Variants in PDE1C observed in about 807,000 individuals in gnomAD.
PDE1C encodes the protein phosphodiesterase 1C.
A neutral mutation model predicts 93.1 loss-of-function variants in PDE1C; 62 were observed. The observed-to-expected ratio is 0.67, with a 90% CI of 0.54 to 0.82. The LOEUF is 0.82. PDE1C is among the 40% of genes least tolerant of loss of function. PDE1C has a pLI of 0.00. For missense variants in PDE1C, 742 were observed against 884.6 expected (o/e 0.84, Z 2.04); for synonymous variants, 325 against 310.1 (o/e 1.05, Z -0.50).
intron 7 of PDE1C, among the ~76,000 whole-genome samples, chr7:31,858,266 G>GC (rs1794263366): frequency 6.6e-6 from 1 of 152,074 alleles, no homozygotes; most frequent in South Asian, 2.1e-4. Context: ...AGTCATTTTG[G>GC]CCAGTGAGTT....
intron 11 of PDE1C, among the ~76,000 whole-genome samples, chr7:31,830,552 A>G (rs1790251859): frequency 6.6e-6 from 1 of 152,218 alleles, no homozygotes; most frequent in Admixed American, 6.5e-5. Context: ...GGTTAGAAAC[A>G]CTCAAGTTCC....
chr7:31,888,851 G>C (rs1170969809), intron 2 of PDE1C, among the ~76,000 whole-genome samples: 1 of 151,984 alleles, frequency 6.6e-6, no homozygotes, highest in Non-Finnish European at 1.5e-5. Flanking sequence ...TAATTAAGAG[G>C]TGAATTTAGC....
upstream of PDE1C, among the ~76,000 whole-genome samples, chr7:32,074,207 G>T (rs533447907): frequency 6.6e-6 from 1 of 151,582 alleles, no homozygotes; most frequent in African/African-American, 2.4e-5. Context: ...GGGGAAGCTA[G>T]ATGTTAATCT....
chr7:32,324,147 T>C (rs1258328188), intron 1 of PDE1C, among the ~76,000 whole-genome samples: 3 of 152,220 alleles, frequency 2.0e-5, no homozygotes, highest in African/African-American at 4.8e-5. Flanking sequence ...ATAAACAAAG[T>C]TTTAGCAGAA....
chr7:32,101,755 A>C (rs757442073), intron 3 of PDE1C, among the ~76,000 whole-genome samples: 110 of 152,212 alleles, frequency 7.2e-4, no homozygotes, highest in Non-Finnish European at 1.1e-3. Context: ...GTATTCCTTT[A>C]TAGTGACACA....
At chr7:32,347,663 G>A (rs779270358) in intron 1 of PDE1C, among the ~76,000 whole-genome samples, 46 of 152,192 alleles carry the variant, frequency 3.0e-4, no homozygotes, top group Non-Finnish European at 6.6e-4. Context: ...CTATGTCAAG[G>A]AAGCTCACCT....
At chr7:32,123,603 A>G (rs1205193986) in intron 3 of PDE1C, among the ~76,000 whole-genome samples, 5 of 152,232 alleles carry the variant, frequency 3.3e-5, no homozygotes, top group Non-Finnish European at 7.3e-5. Context: ...AAAGAAAAAA[A>G]TCACATGATT....
chr7:32,393,042 C>A, intron 1 of PDE1C, among the ~76,000 whole-genome samples: 1 of 79,624 alleles, frequency 1.3e-5, no homozygotes. Context: ...GAGCGAGACT[C>A]TGTCTCAAAA....
the PDE1C span, among the ~76,000 whole-genome samples, chr7:31,634,562 C>T: frequency 2.0e-5 from 3 of 152,118 alleles, no homozygotes; most frequent in African/African-American, 4.8e-5. Context: ...TCCAGTAGAG[C>T]AGGCTTCAAA....
chr7:31,914,782 T>C (rs1021091231), intron 2 of PDE1C, among the ~76,000 whole-genome samples: 3 of 152,220 alleles, frequency 2.0e-5, no homozygotes, highest in Admixed American at 6.5e-5. Flanking sequence ...CCATTTATAA[T>C]AGCAAAAATT....
intron 1 of PDE1C, among the ~76,000 whole-genome samples, chr7:32,281,694 G>A (rs1424395430): frequency 6.6e-6 from 1 of 152,222 alleles, no homozygotes; most frequent in Non-Finnish European, 1.5e-5. Flanking sequence ...AGTAGAGCAT[G>A]AGTCTCTTTA....
chr7:32,287,549 G>A (rs1245068468), intron 1 of PDE1C, among the ~76,000 whole-genome samples: 4 of 152,246 alleles, frequency 2.6e-5, no homozygotes, highest in Non-Finnish European at 4.4e-5. Context: ...ATCAGGGCTG[G>A]CTTGTTTGCT....
intron 2 of PDE1C, among the ~76,000 whole-genome samples, chr7:32,189,569 T>C (rs182784857): frequency 9.6e-4 from 146 of 152,260 alleles, no homozygotes; most frequent in African/African-American, 3.1e-3. Flanking sequence ...CCAGGGCTGA[T>C]TTTTAACCTC....
intron 15 of PDE1C, among the ~76,000 whole-genome samples, chr7:31,813,216 G>A (rs138186174): frequency 1.6e-3 from 246 of 152,168 alleles, no homozygotes; most frequent in Admixed American, 3.1e-3. Flanking sequence ...TTCCTCTTTT[G>A]AGAGGAGTGA....
At chr7:32,149,659 G>A (rs546020181) in intron 3 of PDE1C, among the ~76,000 whole-genome samples, 27 of 152,002 alleles carry the variant, frequency 1.8e-4, no homozygotes, top group African/African-American at 6.0e-4. Flanking sequence ...AATGTTGGGC[G>A]GGTTATAATG....
chr7:32,118,755 C>T (rs1047486022), intron 3 of PDE1C, among the ~76,000 whole-genome samples: 5 of 152,220 alleles, frequency 3.3e-5, no homozygotes, highest in African/African-American at 1.2e-4. Flanking sequence ...GCAGAGTCTT[C>T]ATGACTTAAT....
chr7:32,106,642 AAAC>A (rs1563317414), intron 3 of PDE1C, among the ~76,000 whole-genome samples: 1 of 152,194 alleles, frequency 6.6e-6, no homozygotes, highest in Non-Finnish European at 1.5e-5. Flanking sequence ...GAAAACTCAA[AAAC>A]AACCAGAGAG....
intron 1 of PDE1C, 51 bp from the exon 2 acceptor site, chr7:32,051,631 G>A (rs750514958): frequency 1.3e-6 from 2 of 1,497,050 alleles, no homozygotes; most frequent in Non-Finnish European, 1.9e-6. Context: ...GGCAGGCAGT[G>A]GGTAAGAAAG....
the PDE1C span, among the ~76,000 whole-genome samples, chr7:31,702,526 A>G: frequency 1.2e-4 from 19 of 152,218 alleles, no homozygotes; most frequent in Non-Finnish European, 2.2e-4. Context: ...AGCCTCTGCT[A>G]TCAGACCCCT....
Sources: gnomAD v4.1 joint callset for allele counts (sites outside exome capture counted in the v4.1 genomes callset) on GRCh38, gnomAD v4.1.1 for gene constraint, MANE v1.5 for transcripts, NCBI Gene and HGNC (gene_info 2026-07-23, HGNC 2026-07-21) for gene names.